COBLL1: variants seen among roughly 807,000 people sequenced by gnomAD.
COBLL1 encodes cordon-bleu WH2 repeat protein like 1, also known as cordon-bleu protein-like 1.
A neutral mutation model predicts 94.8 loss-of-function variants in COBLL1; 50 were observed. That is an observed-to-expected ratio of 0.53 (90% confidence interval 0.42 to 0.67). COBLL1 has a LOEUF of 0.67. Ranked by LOEUF, COBLL1 falls within the 30% of genes least tolerant of loss-of-function variation. The pLI is 0.00. For missense variants in COBLL1, 1,362 were observed against 1,348.7 expected (o/e 1.01, Z -0.15); for synonymous variants, 448 against 473.8 (o/e 0.95, Z 0.71).
At chr2:164,776,583 T>C (rs1688473651) in intron 2 of COBLL1, among the ~76,000 whole-genome samples, 1 of 151,942 alleles carries the variant, frequency 6.6e-6, no homozygotes, top group Non-Finnish European at 1.5e-5. Context: ...TTTTAATTTA[T>C]TTTGTCTGTC....
chr2:164,786,573 C>G (rs1316796701), intron 2 of COBLL1, among the ~76,000 whole-genome samples: 1 of 152,108 alleles, frequency 6.6e-6, no homozygotes, highest in African/African-American at 2.4e-5. Context: ...GAAGCTCAAA[C>G]AACAGTCAGT....
Position 164,766,315 on chromosome 2 carries a change from G to A in COBLL1, c.42-22440C>T, listed in dbSNP as rs570626639. On this transcript the variant is annotated intron_variant, in intron 2 of 13. Transcript: ENST00000652658. ...TGATATGGTTTGGTTCCCTGTCCCC[G>A]TTCCAATCTCATGTTGAATTTGTAA... Among the ~76,000 whole-genome samples the A allele has an allele frequency of 1.2e-3, 175 of 152,162 alleles. 1 individual carries two copies. Among genetic ancestry groups the A allele is most frequent in the African/African-American group, 4.1e-3 (171 of 41,510 alleles).
chr2:164,709,385 T>G (rs754391806), intron 7 of COBLL1, among the ~76,000 whole-genome samples: 17 of 152,140 alleles, frequency 1.1e-4, no homozygotes, highest in Non-Finnish European at 1.8e-4. Flanking sequence ...TAAATGGATA[T>G]GCATTACTAA....
intron 2 of COBLL1, among the ~76,000 whole-genome samples, chr2:164,766,754 C>T (rs1366709469): frequency 6.6e-6 from 1 of 152,138 alleles, no homozygotes; most frequent in East Asian, 1.9e-4. Flanking sequence ...TCTGACTACT[C>T]CTGCTTTCCT....
chr2:164,756,357 T>TC (rs1203571032), intron 2 of COBLL1, among the ~76,000 whole-genome samples: 37 of 152,114 alleles, frequency 2.4e-4, no homozygotes, highest in Non-Finnish European at 4.4e-4. Context: ...CTCTCTCCAT[T>TC]CCCCCTCTAC....
intron 13 of COBLL1, among the ~76,000 whole-genome samples, chr2:164,686,897 T>C (rs752797021): frequency 4.6e-5 from 7 of 152,206 alleles, no homozygotes; most frequent in Non-Finnish European, 7.3e-5. Context: ...GGAGTACAAA[T>C]GGCCACAGAT....
intron 7 of COBLL1, among the ~76,000 whole-genome samples, chr2:164,706,106 C>G (rs1684585023): frequency 6.6e-6 from 1 of 152,162 alleles, no homozygotes; most frequent in South Asian, 2.1e-4. Context: ...CCACTTGAAT[C>G]CTTTCAATGA....
rs73968220 is a variant in COBLL1 at position 164,685,954 on chromosome 2, C to T, written c.3379G>A (p.Gly1127Ser). The T allele has an allele frequency of 7.5e-6, 12 of 1,600,778 alleles. No homozygotes were observed. The highest frequency in any genetic ancestry group is 6.7e-5 in the East Asian group (3 of 44,500). Reference sequence around the variant, plus strand: ...GTGTGGCAGGGTAACATTTAATGGCCGTCCTGGGCATCAGGGGACATGGAA... The same window carrying T: ...GTGTGGCAGGGTAACATTTAATGGCTGTCCTGGGCATCAGGGGACATGGAA... The part of the protein sequence containing the change: ...SHSMSPDAQD[G>S]H The change falls in exon 14 of 14, where the codon GGC becomes AGC. Residue 1127 changes from glycine (G) to serine (S), a missense_variant. By Grantham distance (56) the Gly-to-Ser change is moderately conservative. Coordinates refer to ENST00000652658, the MANE Select transcript of COBLL1 (RefSeq NM_001365672.2).
intron 1 of COBLL1, among the ~76,000 whole-genome samples, chr2:164,671,609 T>A (rs975147575): frequency 1.8e-4 from 27 of 152,334 alleles, no homozygotes; most frequent in African/African-American, 6.3e-4. Flanking sequence ...TTATTTTCGA[T>A]ATCTGTCAAC....
At chr2:164,693,273 G>T (rs1683716344) in intron 12 of COBLL1, among the ~76,000 whole-genome samples, 1 of 151,940 alleles carries the variant, frequency 6.6e-6, no homozygotes, top group Admixed American at 6.6e-5. Flanking sequence ...TTCTATTCCT[G>T]ATGCTATATC....
intron 2 of COBLL1, among the ~76,000 whole-genome samples, chr2:164,805,551 CCA>C (rs1684108171): frequency 7.1e-6 from 1 of 140,800 alleles, no homozygotes; most frequent in South Asian, 2.2e-4. Context: ...TTTGCTGTCA[CCA>C]TAGTTTATGT....
At chr2:164,675,655 C>T (rs2105390172), downstream of COBLL1, among the ~76,000 whole-genome samples, 1 of 152,298 alleles carries the variant, frequency 6.6e-6, no homozygotes, top group African/African-American at 2.4e-5. Flanking sequence ...AAATGACTTA[C>T]TTTATCTTTG....
intron 2 of COBLL1, among the ~76,000 whole-genome samples, chr2:164,805,329 C>A (rs866454300): frequency 0.18 from 3,946 of 21,332 alleles, 460 homozygotes; most frequent in African/African-American, 0.32. Flanking sequence ...CTCTCTCTCT[C>A]TCTCTCTCTA....
intron 2 of COBLL1, among the ~76,000 whole-genome samples, chr2:164,776,606 G>A (rs934055513): frequency 3.3e-5 from 5 of 149,812 alleles, no homozygotes; most frequent in South Asian, 2.1e-4. Flanking sequence ...CCCCCTCCCC[G>A]CCCACCGCCA....
chr2:164,737,149 G>A (rs1686349908), intron 3 of COBLL1, among the ~76,000 whole-genome samples: 1 of 152,114 alleles, frequency 6.6e-6, no homozygotes, highest in South Asian at 2.1e-4. Flanking sequence ...GCAATGGAGT[G>A]AGACCCTGTC....
At position 164,694,433 on chromosome 2, in the gene COBLL1, G is replaced by A; in HGVS notation, c.2959C>T (p.Pro987Ser). ...PRPYSSSGPS[P>S]FALAVVKRSQ... ...CTTTTCACTACAGCAAGAGCAAACG[G>A]TGAAGGACCAGAACTTGAGTATGGT... Residue 987 changes from proline to serine, a missense_variant, in exon 12 of 14, where the codon CCG becomes TCG. By Grantham distance (74) the Pro-to-Ser change is moderately conservative. Coordinates refer to ENST00000652658, the MANE Select transcript of COBLL1 (RefSeq NM_001365672.2). 3 of 1,613,956 alleles carry A rather than the reference G, an allele frequency of 1.9e-6. No homozygotes were observed. The highest frequency in any genetic ancestry group is 2.5e-6 in the Non-Finnish European group (3 of 1,179,934).
intron 2 of COBLL1, among the ~76,000 whole-genome samples, chr2:164,806,860 C>T (rs1365657496): frequency 6.6e-6 from 1 of 152,066 alleles, no homozygotes; most frequent in South Asian, 2.1e-4. Context: ...CTGCCACACT[C>T]GGCTAATTTT....
chr2:164,695,364 T>C lies in COBLL1; in HGVS notation c.2028A>G (p.Pro676=), dbSNP rs1178708186. Residue 676 remains proline (P), a synonymous_variant, in exon 12 of 14, where the codon CCA becomes CCG. Coordinates refer to ENST00000652658, the MANE Select transcript of COBLL1 (RefSeq NM_001365672.2). Reference sequence around the variant, plus strand: ...GATCATCATTACCATGTGCACAAATTGGATCTTTTACGGTAAGCGGATCTT... The same window carrying C: ...GATCATCATTACCATGTGCACAAATCGGATCTTTTACGGTAAGCGGATCTT... The part of the protein sequence containing the change: ...HSEDPLTVKD[P]ICAHGNDDLL... 1 of 1,613,990 alleles carries C rather than the reference T, an allele frequency of 6.2e-7. No homozygotes were observed. Among genetic ancestry groups the C allele is most frequent in the Non-Finnish European group, 8.5e-7 (1 of 1,179,940 alleles).
intron 2 of COBLL1, among the ~76,000 whole-genome samples, chr2:164,753,407 C>T (rs1417742421): frequency 6.6e-6 from 1 of 151,810 alleles, no homozygotes. Context: ...AATTACATCC[C>T]ATGTTTCTGC....
Sources: gnomAD v4.1 joint callset for allele counts (sites outside exome capture counted in the v4.1 genomes callset) on GRCh38, gnomAD v4.1.1 for gene constraint, MANE v1.5 for transcripts, NCBI Gene and HGNC (gene_info 2026-07-23, HGNC 2026-07-21) for gene names.